The following CYRIA variants were observed in gnomAD, a reference collection of about 807,000 sequenced individuals.
CYRIA encodes CYFIP-related Rac1 interactor A.
In CYRIA, 15 loss-of-function variants were observed where a neutral mutation model predicts 43.9. The observed-to-expected ratio is 0.34, with a 90% CI of 0.23 to 0.53. The LOEUF is 0.53. Ranked by LOEUF, CYRIA falls within the 20% of genes least tolerant of loss-of-function variation. CYRIA has a pLI of 0.94. For synonymous variants in CYRIA, 117 were observed against 136.0 expected (o/e 0.86, Z 0.97); for missense variants, 236 against 394.2 (o/e 0.60, Z 3.40).
chr2:16,633,248 T>C (rs568034491), intron 1 of CYRIA, among the ~76,000 whole-genome samples: 3 of 152,234 alleles, frequency 2.0e-5, no homozygotes, highest in Non-Finnish European at 2.9e-5. Flanking sequence ...CTGTCTACCA[T>C]CCTTCAAGGC....
chr2:16,600,920 T>C (rs1668183601), intron 2 of CYRIA, among the ~76,000 whole-genome samples: 1 of 152,192 alleles, frequency 6.6e-6, no homozygotes, highest in South Asian at 2.1e-4. Flanking sequence ...ACATTTGACA[T>C]TGAAACTCTG....
At chr2:16,603,532 T>G (rs1200833688) in intron 2 of CYRIA, among the ~76,000 whole-genome samples, 4 of 152,098 alleles carry the variant, frequency 2.6e-5, no homozygotes, top group Non-Finnish European at 5.9e-5. Flanking sequence ...TCAGGACCCT[T>G]GGAAGGACCC....
chr2:16,632,229 C>T (rs575095155), intron 1 of CYRIA, among the ~76,000 whole-genome samples: 6 of 152,308 alleles, frequency 3.9e-5, no homozygotes, highest in Admixed American at 2.6e-4. Flanking sequence ...TGGAAGTGCC[C>T]TTCAGCGGAG....
chr2:16,621,695 G>A (rs1669001803), intron 2 of CYRIA, among the ~76,000 whole-genome samples: 1 of 152,120 alleles, frequency 6.6e-6, no homozygotes, highest in Non-Finnish European at 1.5e-5. Flanking sequence ...TTCTAGCCTT[G>A]CTCCCTCACT....
chr2:16,662,820 C>G (rs919397048), intron 1 of CYRIA, among the ~76,000 whole-genome samples: 2 of 152,200 alleles, frequency 1.3e-5, no homozygotes, highest in African/African-American at 4.8e-5. Context: ...AAGTGGCCAC[C>G]TCTGGGCCCT....
At chr2:16,623,007 G>A (rs1457305103) in intron 2 of CYRIA, 2 of 152,200 alleles carry the variant, frequency 1.3e-5, no homozygotes, top group Non-Finnish European at 2.9e-5. Flanking sequence ...AAGGTATCTA[G>A]CTGAAAAAGA....
In CYRIA at chr2:16,565,888, C is replaced by G. The variant is rs1666912216; in HGVS notation, c.71-121G>C. ...CATATTCCTGCTGCTCTGGTATTTACTCTTTAACCTAATAAGCTGCTAGGA... is the reference window on the plus strand; with the variant it reads ...CATATTCCTGCTGCTCTGGTATTTAGTCTTTAACCTAATAAGCTGCTAGGA... On this transcript the variant is annotated intron_variant, in intron 3 of 11. Coordinates refer to ENST00000381323, the MANE Select transcript of CYRIA (RefSeq NM_030797.4). 4.2e-6 allele frequency: 4 copies of G among 945,998 alleles called. No homozygotes were observed. The South Asian group carries it at 1.2e-4, about 29-fold the overall frequency. 58.6% of individuals were successfully genotyped at this position (945,998 alleles called of 1,614,324 possible).
intron 2 of CYRIA, among the ~76,000 whole-genome samples, chr2:16,620,339 A>C (rs927027443): frequency 6.6e-6 from 1 of 152,194 alleles, no homozygotes; most frequent in East Asian, 1.9e-4. Context: ...AACAAAACTT[A>C]TGTTCTAACC....
intron 3 of CYRIA, among the ~76,000 whole-genome samples, chr2:16,574,893 G>A (rs1188302328): frequency 2.0e-5 from 3 of 152,160 alleles, no homozygotes; most frequent in Non-Finnish European, 2.9e-5. Context: ...TCCCCACTGG[G>A]GTGCTGCCTA....
intron 1 of CYRIA, among the ~76,000 whole-genome samples, chr2:16,654,389 C>T (rs1572206777): frequency 6.6e-6 from 1 of 152,054 alleles, no homozygotes; most frequent in Admixed American, 6.5e-5. Context: ...TAAGGTAGGG[C>T]GTGCCATGGG....
chr2:16,619,930 T>C (rs1572180562), intron 2 of CYRIA, among the ~76,000 whole-genome samples: 1 of 152,340 alleles, frequency 6.6e-6, no homozygotes, highest in East Asian at 1.9e-4. Flanking sequence ...ATGGCTCCTT[T>C]TGGAGCCTTC....
At chr2:16,662,935 T>C (rs1163031206) in intron 1 of CYRIA, among the ~76,000 whole-genome samples, 2 of 152,254 alleles carry the variant, frequency 1.3e-5, no homozygotes, top group African/African-American at 4.8e-5. Context: ...CTGCTCATTT[T>C]TCGAACCCCT....
chr2:16,599,538 T>G (rs1668124963), intron 2 of CYRIA, among the ~76,000 whole-genome samples: 1 of 130,906 alleles, frequency 7.6e-6, no homozygotes, highest in South Asian at 2.8e-4. Context: ...GAAAGGGAAC[T>G]CCCTGACCCC....
intron 2 of CYRIA, among the ~76,000 whole-genome samples, chr2:16,619,311 A>G (rs575622735): frequency 3.9e-4 from 60 of 152,340 alleles, no homozygotes; most frequent in African/African-American, 1.4e-3. Flanking sequence ...ACCCATATAT[A>G]CACACACGTA....
At position 16,602,464 on chromosome 2, in the gene CYRIA, G is replaced by A. The variant is rs555427132; in HGVS notation, c.-10-14335C>T. The stretch of plus-strand genomic sequence containing the variant: ...TCACATCTTTGTCAAAGATGTGTCT[G>A]ATTGCATTTATCTTCAGTATGAACA... On this transcript the variant is annotated intron_variant, in intron 2 of 11. Coordinates refer to ENST00000381323, the MANE Select transcript of CYRIA (RefSeq NM_030797.4). Among the ~76,000 whole-genome samples the A allele has an allele frequency of 6.6e-5, 10 of 152,176 alleles. No homozygotes were observed. The South Asian group carries it at 2.1e-3, about 32-fold the overall frequency.
intron 7 of CYRIA, 26 bp from the exon 8 acceptor site, chr2:16,561,303 G>T: frequency 1.3e-6 from 2 of 1,557,110 alleles, no homozygotes; most frequent in South Asian, 1.1e-5. Context: ...AGAGAAGATG[G>T]ATTTATAAAG....
chr2:16,556,036 T>G (rs1020789590), intron 10 of CYRIA, among the ~76,000 whole-genome samples: 2 of 152,150 alleles, frequency 1.3e-5, no homozygotes, highest in Non-Finnish European at 2.9e-5. Context: ...ATTATGCATA[T>G]CCTGGAGTGT....
At chr2:16,580,610 AG>A (rs1312599449) in intron 3 of CYRIA, among the ~76,000 whole-genome samples, 1 of 152,198 alleles carries the variant, frequency 6.6e-6, no homozygotes, top group Non-Finnish European at 1.5e-5. Flanking sequence ...TCAATATCCC[AG>A]TAGAATTTTT....
At chr2:16,641,530 A>G (rs1669676452) in intron 1 of CYRIA, among the ~76,000 whole-genome samples, 1 of 152,222 alleles carries the variant, frequency 6.6e-6, no homozygotes, top group South Asian at 2.1e-4. Flanking sequence ...CTGAACTCTC[A>G]TAATTTTACT....
Sources: gnomAD v4.1 joint callset for allele counts (sites outside exome capture counted in the v4.1 genomes callset) on GRCh38, gnomAD v4.1.1 for gene constraint, MANE v1.5 for transcripts, NCBI Gene and HGNC (gene_info 2026-07-23, HGNC 2026-07-21) for gene names.